The following AFAP1 variants were observed in gnomAD, a reference collection of about 807,000 sequenced individuals.
AFAP1 encodes actin filament associated protein 1.
Under a neutral mutation model 93.9 loss-of-function variants are expected in AFAP1, and 75 were observed. The ratio of observed to expected loss-of-function variants is 0.80; its 90% CI spans 0.66 to 0.97. AFAP1 has a LOEUF of 0.97. AFAP1 is among the 50% of genes least tolerant of loss of function. The pLI, the probability that AFAP1 is intolerant of heterozygous loss-of-function variation, is 0.00. For synonymous variants in AFAP1, 517 were observed against 430.7 expected (o/e 1.20, Z -2.48); for missense variants, 1,201 against 1,050.8 (o/e 1.14, Z -1.98).
chr4:7,883,604 G>C (rs1208820669), intron 1 of AFAP1, among the ~76,000 whole-genome samples: 1 of 152,166 alleles, frequency 6.6e-6, no homozygotes, highest in Non-Finnish European at 1.5e-5. Flanking sequence ...CAGCTGATGT[G>C]AAAGTAAACC....
At chr4:7,825,904 C>T (rs1721376149) in intron 6 of AFAP1, among the ~76,000 whole-genome samples, 1 of 149,862 alleles carries the variant, frequency 6.7e-6, no homozygotes, top group Non-Finnish European at 1.5e-5. Flanking sequence ...CACAGAAGAG[C>T]ATGCAAGACC....
chr4:7,853,821 C>G (rs1368435543), intron 4 of AFAP1, among the ~76,000 whole-genome samples: 1 of 152,190 alleles, frequency 6.6e-6, no homozygotes, highest in African/African-American at 2.4e-5. Context: ...GGGCCATCAA[C>G]TGAGAGTCCC....
At chr4:7,837,694 C>A (rs1282379264) in intron 6 of AFAP1, among the ~76,000 whole-genome samples, 5 of 151,946 alleles carry the variant, frequency 3.3e-5, no homozygotes, top group South Asian at 2.1e-4. Context: ...TGGAAAGGAA[C>A]AAGAAAAATA....
At chr4:7,797,626 G>A (rs1027676557) in intron 10 of AFAP1, among the ~76,000 whole-genome samples, 11 of 152,134 alleles carry the variant, frequency 7.2e-5, no homozygotes, top group African/African-American at 2.2e-4. Flanking sequence ...ACGCGGCAGC[G>A]GACTACAACA....
At chr4:7,930,371 CG>C (rs1720998066) in intron 1 of AFAP1, among the ~76,000 whole-genome samples, 1 of 2,596 alleles carries the variant, frequency 3.9e-4, no homozygotes, top group African/African-American at 3.3e-3. Context: ...CATTGGCCAC[CG>C]GTGGCTAGCT....
chr4:7,830,690 C>G (rs537127396), intron 6 of AFAP1, among the ~76,000 whole-genome samples: 54 of 152,170 alleles, frequency 3.5e-4, no homozygotes, highest in African/African-American at 1.1e-3. Flanking sequence ...CTCACTGAAA[C>G]CTCAAACTCC....
At chr4:7,805,019 A>G (rs527916264) in intron 9 of AFAP1, among the ~76,000 whole-genome samples, 1 of 152,298 alleles carries the variant, frequency 6.6e-6, no homozygotes, top group South Asian at 2.1e-4. Flanking sequence ...ACAGCCTGTC[A>G]TGGTGGCTCC....
rs1480142778 is a variant in AFAP1, at chr4:7,763,546, T to A, written c.*219A>T. 1.8e-6 allele frequency: 1 copy of A among 569,250 alleles called. No homozygotes were observed. The highest frequency in any genetic ancestry group is 1.9e-5 in the African/African-American group (1 of 53,034). The allele number at this position is 569,250 out of a possible 1,614,324, so 35.3% of individuals were successfully genotyped here. A position where few individuals can be genotyped will look rare whatever the true frequency, so the allele number is the denominator to read the frequency against. On this transcript the variant is annotated 3_prime_UTR_variant, in exon 18 of 18. Transcript: ENST00000420658. ...TCACTTTTTTTGTTTTTTAACAAAG[T>A]TGGGAACCAAAGTCTTACATCTTTT...
chr4:7,931,281 T>C (rs1420481214), intron 1 of AFAP1, among the ~76,000 whole-genome samples: 1 of 152,326 alleles, frequency 6.6e-6, no homozygotes, highest in South Asian at 2.1e-4. Context: ...CCTTGTTAAT[T>C]TCTGACTCTT....
At chr4:7,800,232 G>A (rs985924776) in intron 10 of AFAP1, among the ~76,000 whole-genome samples, 6 of 151,880 alleles carry the variant, frequency 4.0e-5, no homozygotes, top group African/African-American at 4.8e-5. Context: ...CTGGGGTGCC[G>A]TCATTGTCGT....
intron 1 of AFAP1, among the ~76,000 whole-genome samples, chr4:7,892,217 G>A (rs772427650): frequency 3.9e-5 from 6 of 152,086 alleles, no homozygotes; most frequent in East Asian, 3.9e-4. Flanking sequence ...AAGAGGCTCC[G>A]GCACCATTTC....
intron 1 of AFAP1, among the ~76,000 whole-genome samples, chr4:7,896,388 T>C (rs1296073707): frequency 6.6e-6 from 1 of 151,864 alleles, no homozygotes; most frequent in Non-Finnish European, 1.5e-5. Context: ...AGCAAGCACC[T>C]CCAACGAGGG....
intron 1 of AFAP1, among the ~76,000 whole-genome samples, chr4:7,878,035 G>C (rs908740000): frequency 6.6e-6 from 1 of 152,166 alleles, no homozygotes; most frequent in African/African-American, 2.4e-5. Context: ...CACATGGCTG[G>C]TGGGCATGGC....
Position 7,760,872 on chromosome 4 carries a change from T to G in AFAP1, c.*2893A>C, listed in dbSNP as rs762471374. The G allele has an allele frequency of 6.6e-5, 10 of 152,302 alleles. No individual in the cohort carries two copies. The highest frequency in any genetic ancestry group is 1.5e-4 in the Non-Finnish European group (10 of 68,078). The allele number at this position is 152,302 out of a possible 1,614,324, so 9.4% of individuals were successfully genotyped here. ...GGCCACCACATTCCTCGCATTGCGG[T>G]CGGCACCGTAGTACAGGTGGCTAGC... On this transcript the variant is annotated 3_prime_UTR_variant, in exon 18 of 18. Transcript: ENST00000420658.
At chr4:7,816,616 C>T (rs1577246370) in intron 7 of AFAP1, among the ~76,000 whole-genome samples, 2 of 152,296 alleles carry the variant, frequency 1.3e-5, no homozygotes, top group South Asian at 4.1e-4. Context: ...GGGACTGTCA[C>T]TATCTCAGTC....
At chr4:7,933,948 T>C (rs1022317631) in intron 1 of AFAP1, among the ~76,000 whole-genome samples, 5 of 152,214 alleles carry the variant, frequency 3.3e-5, no homozygotes. Flanking sequence ...TGTGGAAATG[T>C]GTTAAAGCAG....
Position 7,793,754 on chromosome 4 carries a change from C to G in AFAP1, c.1339G>C (p.Glu447Gln). ...TCAATGTAGTCATAGTGCAGAGCCT[C>G]CGGGTCTGTGGACGATCCCGTCTCT... is the stretch of plus-strand genomic sequence containing the variant. ...LAETGSSTDP[E>Q]ALHYDYIDVE... is the part of the protein sequence containing the mutation. The change falls in exon 11 of 18, where the codon GAG becomes CAG. Residue 447 changes from glutamate (E) to glutamine (Q), a missense_variant. Physicochemically the swap from Glu to Gln is conservative, Grantham distance 29. Coordinates refer to ENST00000420658, the MANE Select transcript of AFAP1 (RefSeq NM_001134647.2). 3.8e-6 allele frequency: 6 copies of G among 1,579,300 alleles called. No homozygotes were observed. The highest frequency in any genetic ancestry group is 4.3e-6 in the Non-Finnish European group (5 of 1,152,852).
intron 1 of AFAP1, among the ~76,000 whole-genome samples, chr4:7,875,227 C>T (rs771830361): frequency 2.6e-5 from 4 of 152,142 alleles, no homozygotes; most frequent in African/African-American, 4.8e-5. Flanking sequence ...CAACATCCTT[C>T]GGGATTAAAG....
At chr4:7,816,861 C>T (rs143148929) in intron 7 of AFAP1, among the ~76,000 whole-genome samples, 64 of 152,274 alleles carry the variant, frequency 4.2e-4, no homozygotes, top group African/African-American at 1.5e-3. Context: ...GTGTTCAACT[C>T]GGAATTCGAG....
Sources: allele counts gnomAD v4.1 joint callset (sites outside exome capture counted in the v4.1 genomes callset), GRCh38; gene constraint gnomAD v4.1.1; transcripts MANE v1.5; gene names NCBI Gene and HGNC (gene_info 2026-07-23, HGNC 2026-07-21).